KIAA0586: variants seen among roughly 807,000 people sequenced by gnomAD.
KIAA0586 encodes protein TALPID3.
KIAA0586 carries 144 observed loss-of-function variants against 169.8 expected under a neutral mutation model. The ratio of observed to expected loss-of-function variants is 0.85; its 90% CI spans 0.74 to 0.97. The LOEUF is 0.97. Among genes scored for constraint, KIAA0586 ranks in the 50% least tolerant of loss-of-function variants. The pLI is 0.00. For missense variants in KIAA0586, 1,854 were observed against 1,823.0 expected (o/e 1.02, Z -0.31); for synonymous variants, 625 against 612.4 (o/e 1.02, Z -0.30).
chr14:58,429,712 T>A (rs1320128982), intron 2 of KIAA0586, among the ~76,000 whole-genome samples: 1 of 152,100 alleles, frequency 6.6e-6, no homozygotes, highest in East Asian at 1.9e-4. Flanking sequence ...AGGGAAAAGG[T>A]GTTCTTGCCC....
chr14:58,537,889 T>C (rs1185010732), intron 29 of KIAA0586, among the ~76,000 whole-genome samples: 13 of 152,270 alleles, frequency 8.5e-5, no homozygotes, highest in Non-Finnish European at 1.6e-4. Context: ...CCTCCTGATC[T>C]TCCCACCTTG....
At chr14:58,528,373 C>G (rs1211847823) in intron 29 of KIAA0586, among the ~76,000 whole-genome samples, 1 of 152,154 alleles carries the variant, frequency 6.6e-6, no homozygotes, top group Non-Finnish European at 1.5e-5. Context: ...ATCTACAGAA[C>G]TCTCCACCCC....
intron 8 of KIAA0586, among the ~76,000 whole-genome samples, chr14:58,452,462 A>G (rs2039468173): frequency 6.6e-6 from 1 of 152,234 alleles, no homozygotes; most frequent in Non-Finnish European, 1.5e-5. Flanking sequence ...AATCTTTAAT[A>G]AAGAAGGCAA....
intron 29 of KIAA0586, among the ~76,000 whole-genome samples, chr14:58,531,822 G>A (rs2045986952): frequency 1.3e-5 from 2 of 152,116 alleles, no homozygotes; most frequent in South Asian, 4.1e-4. Flanking sequence ...AGAAAATGTG[G>A]TACATACACA....
chr14:58,429,479 A>G, intron 2 of KIAA0586, 46 bp downstream of exon 2: 1 of 1,034,788 alleles, frequency 9.7e-7, no homozygotes, highest in African/African-American at 1.6e-5. Context: ...AATTTTCAGT[A>G]TTGTCAAATA....
At chr14:58,438,178 A>G (rs1232912968) in intron 4 of KIAA0586, among the ~76,000 whole-genome samples, 1 of 152,142 alleles carries the variant, frequency 6.6e-6, no homozygotes, top group Non-Finnish European at 1.5e-5. Flanking sequence ...GAATGAAATA[A>G]TTGCTTCTTA....
Position 58,451,020 on chromosome 14 carries a change from G to A in KIAA0586, c.1129+274G>A, listed in dbSNP as rs1246074010. Among the ~76,000 whole-genome samples the A allele has an allele frequency of 3.2e-5, 4 of 124,294 alleles. No homozygotes were observed. In the South Asian group the frequency reaches 1.0e-3, roughly 31 times the overall value. The allele number at this position is 124,294 out of a possible 152,430, so 81.5% of individuals were successfully genotyped here. A position where few individuals can be genotyped will look rare whatever the true frequency, so the allele number is the denominator to read the frequency against. On this transcript the variant is annotated intron_variant, in intron 8 of 30. Transcript: ENST00000652326. ...TTTTTTTTTTCTGAGACGGAGTCTC[G>A]CTCTGTTGCCCAGGCTGGAGTGCAG...
chr14:58,474,959 T>G (rs545260247), intron 19 of KIAA0586, among the ~76,000 whole-genome samples, 162 bp downstream of exon 19: 1 of 152,340 alleles, frequency 6.6e-6, no homozygotes, highest in Non-Finnish European at 1.5e-5. Flanking sequence ...GGCTTAACTA[T>G]TGTTGGAGGT....
intron 16 of KIAA0586, among the ~76,000 whole-genome samples, chr14:58,468,559 G>T (rs996807948): frequency 6.6e-6 from 1 of 152,176 alleles, no homozygotes; most frequent in African/African-American, 2.4e-5. Flanking sequence ...ACTAACATAT[G>T]TTAGAAGACT....
Position 58,450,723 on chromosome 14 carries a change from A to C in KIAA0586, c.1106A>C (p.Asn369Thr). 6.2e-7 allele frequency: 1 copy of C among 1,605,896 alleles called. No homozygotes were observed. Among genetic ancestry groups the C allele is most frequent in the Non-Finnish European group, 8.5e-7 (1 of 1,173,158 alleles). ...KRENLLEEKE[N>T]MEVSCHRGNV... ...GAAAATCTTTTGGAAGAAAAAGAAA[A>C]TATGGAAGTGTCGTGTCACAGAGGT... The change falls in exon 8 of 31, where the codon AAT (asparagine) becomes ACT (threonine). Residue 369 changes from asparagine (N) to threonine (T), a missense_variant. Coordinates refer to ENST00000652326, the MANE Select transcript of KIAA0586 (RefSeq NM_001329943.3).
intron 27 of KIAA0586, among the ~76,000 whole-genome samples, chr14:58,501,472 A>C (rs1828617222): frequency 6.6e-6 from 1 of 152,212 alleles, no homozygotes; most frequent in Non-Finnish European, 1.5e-5. Flanking sequence ...GGTATCTGAG[A>C]GCAACTAGGT....
intron 20 of KIAA0586, among the ~76,000 whole-genome samples, chr14:58,479,442 G>A (rs1158261495): frequency 6.6e-6 from 1 of 151,912 alleles, no homozygotes; most frequent in Non-Finnish European, 1.5e-5. Flanking sequence ...TATATGTTTT[G>A]TAAATATTTT....
chr14:58,456,150 T>C (rs1056302340), intron 9 of KIAA0586, among the ~76,000 whole-genome samples: 4 of 152,134 alleles, frequency 2.6e-5, no homozygotes, highest in African/African-American at 9.7e-5. Flanking sequence ...TTCTACTGTC[T>C]TTAGTGGTTG....
At chr14:58,533,278 G>A (rs2046092667) in intron 29 of KIAA0586, among the ~76,000 whole-genome samples, 1 of 152,194 alleles carries the variant, frequency 6.6e-6, no homozygotes, top group Non-Finnish European at 1.5e-5. Flanking sequence ...CTTAGCTTAT[G>A]TTCATAGCAC....
chr14:58,514,752 G>A (rs1178723019), intron 29 of KIAA0586, among the ~76,000 whole-genome samples: 1 of 151,966 alleles, frequency 6.6e-6, no homozygotes, highest in Admixed American at 6.6e-5. Context: ...AATTTATTGG[G>A]TCTATCTTTG....
chr14:58,482,297 G>GT (rs1225733660), intron 20 of KIAA0586, among the ~76,000 whole-genome samples: 3 of 151,876 alleles, frequency 2.0e-5, no homozygotes, highest in Admixed American at 2.0e-4. Flanking sequence ...ATGGTGACGC[G>GT]TGCCTGTAGT....
At chr14:58,467,268 G>C (rs1034645687) in intron 15 of KIAA0586, among the ~76,000 whole-genome samples, 1 of 152,052 alleles carries the variant, frequency 6.6e-6, no homozygotes, top group Non-Finnish European at 1.5e-5. Context: ...AAATTGTATA[G>C]CTAAGAAAAC....
At chr14:58,504,592 A>G (rs997742216) in intron 27 of KIAA0586, among the ~76,000 whole-genome samples, 2 of 152,228 alleles carry the variant, frequency 1.3e-5, no homozygotes, top group Admixed American at 6.5e-5. Flanking sequence ...GCTTTCCACT[A>G]TAACAAAATT....
chr14:58,503,980 A>C (rs995692118), intron 27 of KIAA0586, among the ~76,000 whole-genome samples: 2 of 152,184 alleles, frequency 1.3e-5, no homozygotes, highest in African/African-American at 4.8e-5. Flanking sequence ...AAAATGGGAA[A>C]TAATAACAGT....
Sources: allele counts gnomAD v4.1 joint callset (sites outside exome capture counted in the v4.1 genomes callset), GRCh38; gene constraint gnomAD v4.1.1; transcripts MANE v1.5; gene names NCBI Gene and HGNC (gene_info 2026-07-23, HGNC 2026-07-21).